Variants in PABPC4 observed in about 807,000 individuals in gnomAD.
The protein encoded by PABPC4 is polyadenylate-binding protein 4.
PABPC4 carries 15 observed loss-of-function variants against 74.5 expected under a neutral mutation model. That is an observed-to-expected ratio of 0.20 (90% CI 0.13 to 0.31). The LOEUF is 0.31. Ranked by LOEUF, PABPC4 falls within the 10% of genes least tolerant of loss-of-function variation. The pLI is 1.00. For synonymous variants in PABPC4, 345 were observed against 303.0 expected, an observed-to-expected ratio of 1.14 and a Z score of -1.44; for missense variants, 610 against 853.5, an observed-to-expected ratio of 0.71 and a Z score of 3.55.
At chr1:39,568,035 A>G in intron 6 of PABPC4, 189 bp from the exon 7 acceptor site, 1 of 478,190 alleles carries the variant, frequency 2.1e-6, no homozygotes, top group Non-Finnish European at 3.8e-6. Flanking sequence ...AGGCGGGCGA[A>G]TCACAAGGTC....
chr1:39,565,116 G>A lies in PABPC4; in HGVS notation c.1235C>T (p.Ala412Val). 1 of 1,613,860 alleles carries A rather than the reference G, an allele frequency of 6.2e-7. No homozygotes were observed. Among genetic ancestry groups the A allele is most frequent in the Non-Finnish European group, 8.5e-7 (1 of 1,180,016 alleles). ...QPAAGGYFVP[A>V]VPQAQGRPPY... The stretch of plus-strand genomic sequence containing the variant: ...AAACAGCACACCCACCTGTGGGACT[G>A]CTGGCACAAAGTAGCCACCCGCTGC... The change falls in exon 8 of 16, where the codon GCA (alanine) becomes GTA (valine). Residue 412 changes from alanine to valine, a missense_variant. Physicochemically the swap from Ala to Val is moderately conservative, Grantham distance 64. This residue lies in a region of PABPC4 where 277 missense variants were observed against 301.8 expected (regional missense o/e 0.92). Transcript: ENST00000372858.
chr1:39,564,342 A>G (rs1645803770), intron 10 of PABPC4, 81 bp downstream of exon 10: 4 of 1,530,098 alleles, frequency 2.6e-6, no homozygotes, highest in Non-Finnish European at 2.7e-6. Context: ...CGAGCCCAAC[A>G]AACTGACCAA....
rs61781366 is a variant in PABPC4 at position 39,561,422 on chromosome 1, T to C, written c.*13+263A>G. On this transcript the variant is annotated intron_variant, in intron 15 of 15. Transcript: ENST00000372858. ...TACCATGTGCTTTTTCCTTAGCTTATTTTACTGTCTCTTCTTTCCCTATCT... is the reference window on the plus strand; with the variant it reads ...TACCATGTGCTTTTTCCTTAGCTTACTTTACTGTCTCTTCTTTCCCTATCT... The C allele has an allele frequency of 0.063, 26,827 of 426,572 alleles. 1,166 individuals carry two copies. The highest frequency in any genetic ancestry group is 0.087 in the Non-Finnish European group (20,001 of 229,234). 26.4% of individuals were successfully genotyped at this position (426,572 alleles called of 1,614,324 possible). A position where few individuals can be genotyped will look rare whatever the true frequency, so the allele number is the denominator to read the frequency against.
At chr1:39,571,374 T>A in intron 2 of PABPC4, 25 bp from the exon 3 acceptor site, 2 of 1,613,568 alleles carry the variant, frequency 1.2e-6, no homozygotes, top group South Asian at 2.2e-5. Flanking sequence ...GCGGACCACT[T>A]TAGCAGAACT....
rs1646023653 is a variant in PABPC4 at position 39,576,182 on chromosome 1, C to T, written c.-231G>A. Reference sequence around the variant, plus strand: ...CAAAAGGCTCTCCGCACAATACGGCCCTCCCCGCGACTTTGCACTTCTCCG... The same window carrying T: ...CAAAAGGCTCTCCGCACAATACGGCTCTCCCCGCGACTTTGCACTTCTCCG... On this transcript the variant is annotated 5_prime_UTR_variant, in exon 1 of 16. Transcript: ENST00000372858. 1 of 435,420 alleles carries T rather than the reference C, an allele frequency of 2.3e-6. No homozygotes were observed. Among genetic ancestry groups the T allele is most frequent in the East Asian group, 3.6e-5 (1 of 27,786 alleles). The allele number at this position is 435,420 out of a possible 1,614,324, so 27.0% of individuals were successfully genotyped here.
chr1:39,568,779 A>G (rs758693534), intron 6 of PABPC4, 23 bp downstream of exon 6: 2 of 1,606,842 alleles, frequency 1.2e-6, no homozygotes, highest in Middle Eastern at 3.3e-4. Context: ...TCCCATTGCT[A>G]GGCTGGGCCA....
Position 39,575,684 on chromosome 1 carries a change from A to G in PABPC4, c.193+75T>C. The G allele has an allele frequency of 3.1e-6, 4 of 1,271,320 alleles. No homozygotes were observed. In the South Asian group the frequency reaches 6.3e-5, roughly 20 times the overall value. The allele number at this position is 1,271,320 out of a possible 1,614,324, so 78.8% of individuals were successfully genotyped here. A position where few individuals can be genotyped will look rare whatever the true frequency, so the allele number is the denominator to read the frequency against. ...CTGTCGTGATGCCGCCCTCCTCGGC[A>G]GGAGGGCCCTGCCAGAAGACGACTC... On this transcript the variant is annotated intron_variant, in intron 1 of 15. Coordinates refer to ENST00000372858, the MANE Select transcript of PABPC4 (RefSeq NM_001135653.2).
chr1:39,565,399 C>T, intron 7 of PABPC4, 21 bp from the exon 8 acceptor site: 1 of 1,598,222 alleles, frequency 6.3e-7, no homozygotes, highest in Non-Finnish European at 8.5e-7. Flanking sequence ...AGACCAGCTA[C>T]TTAAGAAATA....
chr1:39,561,864 G>T, intron 14 of PABPC4, 77 bp from the exon 15 acceptor site: 1 of 1,347,992 alleles, frequency 7.4e-7, no homozygotes, highest in South Asian at 1.2e-5. Context: ...CCTAGTGGTG[G>T]ACCAAAGCCA....
At chr1:39,568,740 G>C (rs1557717310) in intron 6 of PABPC4, 62 bp downstream of exon 6, 5 of 1,493,724 alleles carry the variant, frequency 3.3e-6, no homozygotes, top group African/African-American at 1.4e-5. Context: ...GCTAAACATA[G>C]GGGTGTTCTG....
Position 39,569,627 on chromosome 1 carries a change from C to A in PABPC4, c.706G>T (p.Val236Leu). Residue 236 changes from valine (V) to leucine (L), a missense_variant, in exon 5 of 16, where the codon GTG (valine) becomes TTG (leucine). By Grantham distance (32) the Val-to-Leu change is conservative (BLOSUM62 1). Around this residue, in one of 4 missense-constraint regions of PABPC4, gnomAD observed 304 missense variants for 478.9 expected, o/e 0.63. Coordinates refer to ENST00000372858, the MANE Select transcript of PABPC4 (RefSeq NM_001135653.2). ...PNGKSKGFGF[V>L]SYEKHEDANK... is the part of the protein sequence containing the mutation. ...GCATCCTCGTGTTTTTCGTAACTCA[C>A]AAAGCCAAAGCCTTTGGATTTCCCA... 1 of 1,614,154 alleles carries A rather than the reference C, an allele frequency of 6.2e-7. No homozygotes were observed. Among genetic ancestry groups the A allele is most frequent in the Non-Finnish European group, 8.5e-7 (1 of 1,179,982 alleles).
intron 3 of PABPC4, 82 bp from the exon 4 acceptor site, chr1:39,570,084 G>C: frequency 2.2e-6 from 3 of 1,383,678 alleles, no homozygotes; most frequent in Non-Finnish European, 3.0e-6. Flanking sequence ...ACAGGTTAAA[G>C]ACTGACAGGA....
Position 39,572,426 on chromosome 1 carries a change from A to T in PABPC4, c.354T>A (p.Thr118=), listed in dbSNP as rs1309444453. 4 of 1,613,764 alleles carry T rather than the reference A, an allele frequency of 2.5e-6. No individual in the cohort carries two copies. The highest frequency in any genetic ancestry group is 3.4e-6 in the Non-Finnish European group (4 of 1,179,752). Residue 118 remains threonine, a synonymous_variant, in exon 2 of 16, where the codon ACT becomes ACA. Transcript: ENST00000372858. ...KSIDNKALYD[T]FSAFGNILSC... ...ACAGTATGTTTCCAAAAGCAGAAAA[A>T]GTATCATAAAGTGCCTTGTTATCTA...
intron 1 of PABPC4, among the ~76,000 whole-genome samples, chr1:39,575,085 A>G (rs945589515): frequency 1.3e-5 from 2 of 152,176 alleles, no homozygotes; most frequent in Non-Finnish European, 2.9e-5. Context: ...ACGCTTCCCT[A>G]AACTACCTCC....
At chr1:39,572,673 T>G in intron 1 of PABPC4, 87 bp from the exon 2 acceptor site, 1 of 976,680 alleles carries the variant, frequency 1.0e-6, no homozygotes, top group East Asian at 2.4e-5. Context: ...TCCAGGACTT[T>G]TCAAGGTAAT....
rs1265314462 is a variant in PABPC4 at position 39,575,768 on chromosome 1, G to A, written c.184C>T (p.Pro62Ser). Residue 62 changes from proline to serine, a missense_variant, in exon 1 of 16, where the codon CCG (proline) becomes TCG (serine). This residue lies in a region of PABPC4 where 304 missense variants were observed against 478.9 expected (regional missense o/e 0.63). Coordinates refer to ENST00000372858, the MANE Select transcript of PABPC4 (RefSeq NM_001135653.2). ...CACAGCTTCTACTCACCGTCGGCCG[G>A]CTGCTGGAAGTTGACGTAGGCATAG... is the stretch of plus-strand genomic sequence containing the variant. ...LGYAYVNFQQ[P>S]ADAERALDTM... is the part of the protein sequence containing the mutation. 5 of 1,595,106 alleles carry A rather than the reference G, an allele frequency of 3.1e-6. No homozygotes were observed. The highest frequency in any genetic ancestry group is 2.7e-5 in the African/African-American group (2 of 73,544).
At chr1:39,567,301 TC>T in intron 7 of PABPC4, 1 of 457,794 alleles carries the variant, frequency 2.2e-6, no homozygotes. Context: ...CCCTTTCCTC[TC>T]TTTTTAAGAC....
chr1:39,569,966 T>C lies in PABPC4; in HGVS notation c.540A>G (p.Glu180=). The C allele has an allele frequency of 6.2e-7, 1 of 1,614,110 alleles. No individual in the cohort carries two copies. The highest frequency in any genetic ancestry group is 8.5e-7 in the Non-Finnish European group (1 of 1,180,022). ...VGRFKSRKER[E]AELGAKAKEF... is the part of the protein sequence containing the mutation. ...CCTTGGCTTTGGCTCCAAGCTCAGC[T>C]TCCCGCTCTTTGCGAGACTTGAATC... The change falls in exon 4 of 16, where the codon GAA becomes GAG. Residue 180 remains glutamate (E), a synonymous_variant. Transcript: ENST00000372858.
intron 14 of PABPC4, 50 bp downstream of exon 14, chr1:39,562,021 CCA>C: frequency 6.3e-7 from 1 of 1,591,906 alleles, no homozygotes; most frequent in East Asian, 2.2e-5. Flanking sequence ...AAGTTTGCCC[CCA>C]GTCTTCCCAA....
Sources: allele counts gnomAD v4.1 joint callset (sites outside exome capture counted in the v4.1 genomes callset), GRCh38; gene constraint gnomAD v4.1.1; regional missense constraint gnomAD v4.1.1; transcripts MANE v1.5; gene names NCBI Gene and HGNC (gene_info 2026-07-23, HGNC 2026-07-21).